PLCE1: variants seen among roughly 807,000 people sequenced by gnomAD.
The protein encoded by PLCE1 is phospholipase C epsilon 1.
A neutral mutation model predicts 242.8 loss-of-function variants in PLCE1; 119 were observed. The ratio of observed to expected loss-of-function variants is 0.49; its 90% CI spans 0.42 to 0.57. The LOEUF (loss-of-function observed/expected upper bound fraction) is 0.57, where lower values mean the gene tolerates loss of function less well. Among genes scored for constraint, PLCE1 ranks in the 20% least tolerant of loss-of-function variants. The pLI, the probability that PLCE1 is intolerant of heterozygous loss-of-function variation, is 0.00. For missense variants in PLCE1, 2,441 were observed against 2,788.8 expected (o/e 0.88, Z 2.81); for synonymous variants, 945 against 1,017.4 (o/e 0.93, Z 1.35).
At chr10:94,282,696 T>A (rs77063030) in intron 20 of PLCE1, among the ~76,000 whole-genome samples, 2,618 of 152,326 alleles carry the variant, frequency 0.017, 26 homozygotes, top group South Asian at 0.041. Flanking sequence ...AAGCTGCTGT[T>A]ATTTGTGCTT....
intron 4 of PLCE1, among the ~76,000 whole-genome samples, chr10:94,180,638 G>A (rs562458845): frequency 3.3e-5 from 5 of 152,258 alleles, no homozygotes; most frequent in Middle Eastern, 3.4e-3. Context: ...CACCCTTAGC[G>A]GTGATGGTGC....
intron 22 of PLCE1, among the ~76,000 whole-genome samples, chr10:94,293,204 C>T (rs746329122): frequency 6.6e-6 from 1 of 152,216 alleles, no homozygotes; most frequent in African/African-American, 2.4e-5. Context: ...CTGGCCACAG[C>T]ACCTTCTTTT....
At chr10:94,242,936 A>G (rs1475999388) in intron 7 of PLCE1, among the ~76,000 whole-genome samples, 1 of 152,250 alleles carries the variant, frequency 6.6e-6, no homozygotes, top group Non-Finnish European at 1.5e-5. Flanking sequence ...GGGGGAGAAG[A>G]GATCCATCTT....
chr10:94,286,103 C>T (rs2052438331), intron 22 of PLCE1, among the ~76,000 whole-genome samples: 1 of 152,168 alleles, frequency 6.6e-6, no homozygotes, highest in African/African-American at 2.4e-5. Flanking sequence ...TTCATCTCCT[C>T]ATACTAAGAA....
In PLCE1 at chr10:94,208,323, G is replaced by T. The variant is rs183370927; in HGVS notation, c.1810-18983G>T. The stretch of plus-strand genomic sequence containing the variant: ...TCCAGGACAGCATCACCTAAGTCTG[G>T]CAATGAAACCTCAGAGAGACCCAGG... On this transcript the variant is annotated intron_variant, in intron 4 of 32. Coordinates refer to ENST00000371380, the MANE Select transcript of PLCE1 (RefSeq NM_016341.4). 5.6e-4 allele frequency among the ~76,000 whole-genome samples: 86 copies of T among 152,284 alleles called. No individual in the cohort carries two copies. In the East Asian group the frequency reaches 0.016, roughly 28 times the overall value.
At chr10:94,088,930 T>C (rs539741402) in intron 2 of PLCE1, 1 of 586,204 alleles carries the variant, frequency 1.7e-6, no homozygotes, top group Admixed American at 3.5e-5. Context: ...AAGTTATGTT[T>C]CACAGAGGTT....
intron 23 of PLCE1, among the ~76,000 whole-genome samples, chr10:94,297,622 A>G (rs1005656360): frequency 1.5e-4 from 16 of 110,222 alleles, no homozygotes; most frequent in African/African-American, 5.2e-4. Context: ...AAAAAAAAAA[A>G]AAAAAGTGCA....
chr10:94,207,526 TG>T (rs2049196594), intron 4 of PLCE1, among the ~76,000 whole-genome samples: 2 of 149,760 alleles, frequency 1.3e-5, no homozygotes, highest in Non-Finnish European at 3.0e-5. Context: ...TGTGTGTGTG[TG>T]TGTGTGTGTG....
At chr10:94,304,356 TC>T in intron 24 of PLCE1, 125 bp from the exon 25 acceptor site, 1 of 867,474 alleles carries the variant, frequency 1.2e-6, no homozygotes, top group Non-Finnish European at 2.0e-6. Context: ...TGGGTGATTA[TC>T]TCTTTTTCAT....
intron 2 of PLCE1, among the ~76,000 whole-genome samples, chr10:94,059,396 G>T (rs1443535037): frequency 6.6e-6 from 1 of 152,154 alleles, no homozygotes; most frequent in Non-Finnish European, 1.5e-5. Context: ...GGAACATGAT[G>T]ACTCATAAGG....
At chr10:94,222,647 G>A (rs1408098285) in intron 4 of PLCE1, among the ~76,000 whole-genome samples, 1 of 152,020 alleles carries the variant, frequency 6.6e-6, no homozygotes, top group African/African-American at 2.4e-5. Flanking sequence ...GGGCCAGGGC[G>A]TGAGTACAAG....
chr10:94,309,317 C>CT (rs35780786), intron 27 of PLCE1, among the ~76,000 whole-genome samples: 9,778 of 146,436 alleles, frequency 0.067, 439 homozygotes, highest in South Asian at 0.12. Context: ...GCAGAATCTG[C>CT]TTTTTTTTTT....
chr10:94,319,435 A>G (rs190389617), intron 29 of PLCE1, among the ~76,000 whole-genome samples: 40 of 152,338 alleles, frequency 2.6e-4, no homozygotes, highest in Non-Finnish European at 4.3e-4. Context: ...AAGACATATA[A>G]GCAGTTTGCC....
rs182293120 is a variant in PLCE1 at position 94,160,629 on chromosome 10, T to G, written c.1493-10551T>G. Reference sequence around the variant, plus strand: ...GCAGAAGCTCTTTAGTTTAGTTAGATCCCATTTGTCAATTTTGTCTTTTAT... The same window carrying G: ...GCAGAAGCTCTTTAGTTTAGTTAGAGCCCATTTGTCAATTTTGTCTTTTAT... On this transcript the variant is annotated intron_variant, in intron 3 of 32. Coordinates refer to ENST00000371380, the MANE Select transcript of PLCE1 (RefSeq NM_016341.4). Among the ~76,000 whole-genome samples, 770 of 152,340 alleles carry G rather than the reference T, an allele frequency of 5.1e-3. 8 individuals carry two copies. Among genetic ancestry groups the G allele is most frequent in the African/African-American group, 0.018 (730 of 41,578 alleles).
chr10:94,152,269 C>T (rs1041690417), intron 3 of PLCE1, among the ~76,000 whole-genome samples: 2 of 152,172 alleles, frequency 1.3e-5, no homozygotes, highest in Non-Finnish European at 2.9e-5. Flanking sequence ...TTATTAACTG[C>T]ATAGTTAAAT....
chr10:94,032,293 C>CT lies in PLCE1; in HGVS notation c.1206+50dup, dbSNP rs574206745. The CT allele has an allele frequency of 8.7e-4, 1,378 of 1,575,282 alleles. 5 individuals are homozygous for CT. The East Asian group carries it at 0.012, about 14-fold the overall frequency. On this transcript the variant is annotated intron_variant, in intron 2 of 32. Coordinates refer to ENST00000371380, the MANE Select transcript of PLCE1 (RefSeq NM_016341.4). ...TCTTTTTACCATTTCTTTAAACTTG[C>CT]TTTTTTTTTCAAAAAAAAGTCCAAA...
chr10:94,090,812 A>G (rs930608861), intron 2 of PLCE1, among the ~76,000 whole-genome samples: 4 of 152,082 alleles, frequency 2.6e-5, no homozygotes, highest in Non-Finnish European at 4.4e-5. Flanking sequence ...TGTTACTTTA[A>G]TCTAGCATTT....
intron 2 of PLCE1, among the ~76,000 whole-genome samples, chr10:94,055,374 G>A (rs375207776): frequency 1.1e-4 from 16 of 151,330 alleles, no homozygotes; most frequent in African/African-American, 2.9e-4. Context: ...GTGGTGGTGC[G>A]ATCTCCACTC....
At chr10:94,116,549 G>A (rs2046136063) in intron 2 of PLCE1, among the ~76,000 whole-genome samples, 1 of 152,172 alleles carries the variant, frequency 6.6e-6, no homozygotes, top group Non-Finnish European at 1.5e-5. Flanking sequence ...ACAAAAACTA[G>A]CTGGGCGTGG....
Sources: allele counts gnomAD v4.1 joint callset (sites outside exome capture counted in the v4.1 genomes callset), GRCh38; gene constraint gnomAD v4.1.1; transcripts MANE v1.5; gene names NCBI Gene and HGNC (gene_info 2026-07-23, HGNC 2026-07-21).